The following DNASE1 variants were observed in gnomAD, a reference collection of about 807,000 sequenced individuals.
The protein encoded by DNASE1 is deoxyribonuclease 1.
Under a neutral mutation model 33.9 loss-of-function variants are expected in DNASE1, and 40 were observed. That is an observed-to-expected ratio of 1.18 (90% CI 0.92 to 1.54). The LOEUF is 1.54. DNASE1 is among the 40% of genes most tolerant of loss of function. The pLI is 0.00. For missense variants in DNASE1, 518 were observed against 372.6 expected (o/e 1.39, Z -3.21); for synonymous variants, 216 against 160.0 (o/e 1.35, Z -2.64).
chr16:3,622,773 T>C (rs111733313), intron 1 of DNASE1, among the ~76,000 whole-genome samples: 35 of 152,162 alleles, frequency 2.3e-4, no homozygotes, highest in African/African-American at 8.0e-4. Flanking sequence ...TTTAATAAAA[T>C]TTTTTCCATG....
chr16:3,662,521 CA>C (rs2043142754), downstream of DNASE1: 2 of 528,666 alleles, frequency 3.8e-6, no homozygotes, highest in East Asian at 3.7e-5. Flanking sequence ...GAAGCCCACC[CA>C]AAACCCCCGA....
exon 10 of DNASE1, chr16:3,663,238 G>C: frequency 1.3e-6 from 1 of 761,748 alleles, no homozygotes; most frequent in Non-Finnish European, 2.1e-6. Context: ...GCACTGGACA[G>C]ACCCCTGATA....
chr16:3,657,374 G>A, intron 7 of DNASE1, 33 bp downstream of exon 7: 5 of 1,607,960 alleles, frequency 3.1e-6, no homozygotes, highest in Middle Eastern at 1.7e-4. Flanking sequence ...GGCAGACTGA[G>A]GGCACCTCCA....
At chr16:3,647,999 C>T (rs1461467849) in intron 1 of DNASE1, among the ~76,000 whole-genome samples, 4 of 152,136 alleles carry the variant, frequency 2.6e-5, no homozygotes, top group Non-Finnish European at 4.4e-5. Flanking sequence ...AAAACCCCGT[C>T]TTTACTGAAA....
upstream of DNASE1, chr16:3,652,081 C>A (rs2042354087): frequency 6.6e-6 from 1 of 152,352 alleles, no homozygotes; most frequent in African/African-American, 2.4e-5. Context: ...ACACAGCAGG[C>A]AGCACTCGCC....
downstream of DNASE1, chr16:3,658,835 C>CAGCTGATTCA (rs1489081222): frequency 2.5e-6 from 4 of 1,614,002 alleles, no homozygotes; most frequent in Non-Finnish European, 3.4e-6. Context: ...CGCTTGCGCG[C>CAGCTGATTCA]AGCTGATTCA....
chr16:3,645,531 C>T (rs2042147619), intron 1 of DNASE1, among the ~76,000 whole-genome samples: 1 of 152,214 alleles, frequency 6.6e-6, no homozygotes, highest in Non-Finnish European at 1.5e-5. Flanking sequence ...TTGCATCTCT[C>T]CTCAAAGCAG....
At chr16:3,662,037 G>T, downstream of DNASE1, 1 of 1,613,286 alleles carries the variant, frequency 6.2e-7, no homozygotes, top group Non-Finnish European at 8.5e-7. Flanking sequence ...GCTCCTCCTG[G>T]GTCTTGGCCA....
chr16:3,655,811 A>C, intron 2 of DNASE1, 38 bp from the exon 3 acceptor site: 1 of 1,609,930 alleles, frequency 6.2e-7, no homozygotes, highest in South Asian at 1.1e-5. Flanking sequence ...CCTGGGTGGC[A>C]CCAGCCCTGC....
chr16:3,646,215 G>T (rs80268144), intron 1 of DNASE1, among the ~76,000 whole-genome samples: 7 of 151,498 alleles, frequency 4.6e-5, no homozygotes, highest in Non-Finnish European at 8.8e-5. Flanking sequence ...GTTTTTCTCT[G>T]GGGGGGGTCT....
intron 1 of DNASE1, among the ~76,000 whole-genome samples, chr16:3,630,374 G>A (rs1447028678): frequency 6.6e-6 from 1 of 151,734 alleles, no homozygotes; most frequent in East Asian, 1.9e-4. Context: ...GTAGAGACAG[G>A]TTTTCTCCAT....
At chr16:3,632,725 A>G (rs1455817270) in intron 1 of DNASE1, among the ~76,000 whole-genome samples, 1 of 152,008 alleles carries the variant, frequency 6.6e-6, no homozygotes, top group Non-Finnish European at 1.5e-5. Flanking sequence ...AGCTGAGATT[A>G]CAGGCATCTG....
chr16:3,635,703 A>G lies in DNASE1; in HGVS notation c.-1358-5012A>G, dbSNP rs111639474. Among the ~76,000 whole-genome samples the G allele has an allele frequency of 4.4e-3, 672 of 151,370 alleles. 6 individuals carry two copies. The highest frequency in any genetic ancestry group is 0.015 in the African/African-American group (611 of 41,232). ...TTACTGGATACAGATTTTTAGGTTA[A>G]TAGGGTTTTTTTTTTTTCCTTACAA... On this transcript the variant is annotated intron_variant and NMD_transcript_variant, in intron 1 of 11. Coordinates refer to the DNASE1 transcript ENST00000570769.
intron 1 of DNASE1, among the ~76,000 whole-genome samples, chr16:3,613,097 C>T (rs111311335): frequency 9.2e-5 from 14 of 152,184 alleles, no homozygotes; most frequent in African/African-American, 2.9e-4. Flanking sequence ...TTTTAAAACC[C>T]CAAATCGAAC....
intron 1 of DNASE1, among the ~76,000 whole-genome samples, chr16:3,629,845 G>T (rs2041639107): frequency 6.6e-6 from 1 of 152,124 alleles, no homozygotes; most frequent in Non-Finnish European, 1.5e-5. Context: ...ACAGAGTCTT[G>T]CTCTGTTATC....
intron 1 of DNASE1, among the ~76,000 whole-genome samples, chr16:3,612,827 C>T (rs2040950383): frequency 6.6e-6 from 1 of 151,940 alleles, no homozygotes; most frequent in African/African-American, 2.4e-5. Context: ...GGAGGTGGAG[C>T]GAAAAGAATG....
chr16:3,661,910 A>G (rs1596684455), downstream of DNASE1: 2 of 1,488,994 alleles, frequency 1.3e-6, no homozygotes, highest in Non-Finnish European at 1.8e-6. Flanking sequence ...TCTGTGTCAC[A>G]TTCCACAACA....
chr16:3,620,180 C>T (rs570156444), intron 1 of DNASE1, among the ~76,000 whole-genome samples: 392 of 151,046 alleles, frequency 2.6e-3, no homozygotes, highest in African/African-American at 9.2e-3. Context: ...CTTCCCAAAG[C>T]GCTGGGATTA....
chr16:3,664,767 C>G, exon 10 of DNASE1: 1 of 332,748 alleles, frequency 3.0e-6, no homozygotes, highest in Non-Finnish European at 5.5e-6. Flanking sequence ...GGCCTGGACC[C>G]AGCGTCTTCC....
Sources: gnomAD v4.1 joint callset for allele counts (sites outside exome capture counted in the v4.1 genomes callset) on GRCh38, gnomAD v4.1.1 for gene constraint, MANE v1.5 for transcripts, NCBI Gene and HGNC (gene_info 2026-07-23, HGNC 2026-07-21) for gene names.